The following BSPRY variants were observed in gnomAD, a reference collection of about 807,000 sequenced individuals.
The protein encoded by BSPRY is B box and SPRY domain-containing protein.
BSPRY carries 33 observed loss-of-function variants against 38.0 expected under a neutral mutation model. The observed-to-expected ratio is 0.87, with a 90% confidence interval of 0.66 to 1.16. The LOEUF (loss-of-function observed/expected upper bound fraction) is 1.16, where lower values mean the gene tolerates loss of function less well. BSPRY is among the 50% of genes most tolerant of loss of function. The probability of loss-of-function intolerance (pLI) is 0.00; values close to 1 mark genes in which losing one functional copy is unlikely to be tolerated. For synonymous variants in BSPRY, 224 were observed against 228.5 expected, an observed-to-expected ratio of 0.98 and a Z score of 0.18; for missense variants, 523 against 533.2, an observed-to-expected ratio of 0.98 and a Z score of 0.19.
chr9:113,356,446 A>G (rs375122697), intron 2 of BSPRY, among the ~76,000 whole-genome samples: 1 of 152,070 alleles, frequency 6.6e-6, no homozygotes, highest in Admixed American at 6.5e-5. Flanking sequence ...CGGAGGTTGC[A>G]GTGAGCTGAG....
At chr9:113,365,574 C>T (rs1048122871) in intron 4 of BSPRY, among the ~76,000 whole-genome samples, 2 of 152,092 alleles carry the variant, frequency 1.3e-5, no homozygotes, top group African/African-American at 4.8e-5. Context: ...TTTTCCTGCC[C>T]CTGAATCAGC....
At position 113,369,864 on chromosome 9, in the gene BSPRY, G is replaced by C. The variant is rs1834314162; in HGVS notation, c.931G>C (p.Gly311Arg). The C allele has an allele frequency of 1.9e-6, 3 of 1,614,264 alleles. No individual in the cohort carries two copies. Among genetic ancestry groups the C allele is most frequent in the African/African-American group, 1.3e-5 (1 of 75,080 alleles). The part of the protein sequence containing the change: ...GVASGHLPRK[G>R]SGSDCRLGHN... The stretch of plus-strand genomic sequence containing the variant: ...GGCTTCAGGCCACCTGCCCCGCAAG[G>C]GTTCTGGCAGTGACTGCCGTCTGGG... Residue 311 changes from glycine to arginine, a missense_variant, in exon 6 of 6, where the codon GGT becomes CGT. Coordinates refer to ENST00000374183, the MANE Select transcript of BSPRY (RefSeq NM_017688.3).
At chr9:113,366,099 C>G (rs1834246811) in intron 4 of BSPRY, among the ~76,000 whole-genome samples, 1 of 152,118 alleles carries the variant, frequency 6.6e-6, no homozygotes, top group Admixed American at 6.5e-5. Context: ...GCCACCATGC[C>G]CAGCCTGTAT....
Position 113,369,836 on chromosome 9 carries a change from C to T in BSPRY, c.903C>T (p.Gly301=), listed in dbSNP as rs559226374. 50 of 1,614,058 alleles carry T rather than the reference C, an allele frequency of 3.1e-5. No homozygotes were observed. Among genetic ancestry groups the T allele is most frequent in the Admixed American group, 2.5e-4 (15 of 60,012 alleles). ...AGAACAGTTGTGCCTATAAGGTGGG[C>T]GTGGCTTCAGGCCACCTGCCCCGCA... ...NVQNSCAYKV[G]VASGHLPRKG... The change falls in exon 6 of 6, where the codon GGC becomes GGT. Residue 301 remains glycine, a synonymous_variant. Transcript: ENST00000374183.
At chr9:113,365,327 C>T (rs1834230125) in intron 4 of BSPRY, among the ~76,000 whole-genome samples, 2 of 152,100 alleles carry the variant, frequency 1.3e-5, no homozygotes, top group Non-Finnish European at 2.9e-5. Flanking sequence ...CTTTTATTTG[C>T]TTGTTTGTTC....
rs1347934691 is a variant in BSPRY, at chr9:113,371,054, A to ATTTCTCT, written c.*913_*914insTTCTCTT. On this transcript the variant is annotated 3_prime_UTR_variant, in exon 6 of 6. Coordinates refer to ENST00000374183, the MANE Select transcript of BSPRY (RefSeq NM_017688.3). ...GAGCTCCAGCCTGTGCCCACTGATA[A>ATTTCTCT]TAGCAGGGACGGCCTTTTCTCTTAG... The ATTTCTCT allele has an allele frequency of 5.4e-5, 8 of 147,400 alleles. No individual in the cohort carries two copies. Among genetic ancestry groups the ATTTCTCT allele is most frequent in the Non-Finnish European group, 1.2e-4 (8 of 65,138 alleles). The allele number at this position is 147,400 out of a possible 1,614,324, so 9.1% of individuals were successfully genotyped here. A position where few individuals can be genotyped will look rare whatever the true frequency, so the allele number is the denominator to read the frequency against.
Position 113,365,713 on chromosome 9 carries a change from A to G in BSPRY, c.558-2546A>G, listed in dbSNP as rs942487180. On this transcript the variant is annotated intron_variant, in intron 4 of 5. Transcript: ENST00000374183. ...GCTCACTCAGCATATAGCAGATGGA[A>G]CTAGGAAGGGAGAAAGAGAAAGAGA... Among the ~76,000 whole-genome samples, 6 of 147,078 alleles carry G rather than the reference A, an allele frequency of 4.1e-5. No individual in the cohort carries two copies. The Admixed American group carries it at 4.1e-4, about 10-fold the overall frequency.
intron 2 of BSPRY, among the ~76,000 whole-genome samples, chr9:113,354,965 C>T (rs1485195840): frequency 1.3e-5 from 2 of 152,168 alleles, no homozygotes; most frequent in Non-Finnish European, 2.9e-5. Flanking sequence ...AAGCAATTCT[C>T]CTGCCTCAGC....
At position 113,369,689 on chromosome 9, in the gene BSPRY, G is replaced by C. The variant is rs370425380; in HGVS notation, c.756G>C (p.Leu252=). 9 of 1,614,224 alleles carry C rather than the reference G, an allele frequency of 5.6e-6. No homozygotes were observed. Among genetic ancestry groups the C allele is most frequent in the Non-Finnish European group, 6.8e-6 (8 of 1,180,040 alleles). Residue 252 remains leucine (L), a synonymous_variant, in exon 6 of 6, where the codon CTG becomes CTC. Coordinates refer to ENST00000374183, the MANE Select transcript of BSPRY (RefSeq NM_017688.3). ...AATTGTCAGATGATCGAAAGACCCT[G>C]ACCTTCAGCACCAAGAAGTCAAAGG... ...FLQLSDDRKT[L]TFSTKKSKAC...
Position 113,354,329 on chromosome 9 carries a change from A to T in BSPRY, c.291A>T (p.Gln97His). 6.2e-7 allele frequency: 1 copy of T among 1,613,820 alleles called. No homozygotes were observed. Among genetic ancestry groups the T allele is most frequent in the African/African-American group, 1.3e-5 (1 of 75,028 alleles). ...YVADVLPGKNQRAVSMASAAR... is the reference protein window; with the variant it reads ...YVADVLPGKNHRAVSMASAAR... Reference sequence around the variant, plus strand: ...CGGACGTCCTGCCGGGGAAGAATCAAAGAGCAGTGGTAATTCCTCTTCTTT... The same window carrying T: ...CGGACGTCCTGCCGGGGAAGAATCATAGAGCAGTGGTAATTCCTCTTCTTT... The change falls in exon 2 of 6, where the codon CAA (glutamine) becomes CAT (histidine). Residue 97 changes from glutamine (Q) to histidine (H), a missense_variant. Gln to His is a conservative substitution (Grantham distance 24). Coordinates refer to ENST00000374183, the MANE Select transcript of BSPRY (RefSeq NM_017688.3).
At chr9:113,369,588 C>T (rs757456603) in intron 5 of BSPRY, 28 bp from the exon 6 acceptor site, 42 of 1,578,010 alleles carry the variant, frequency 2.7e-5, no homozygotes, top group Admixed American at 1.1e-4. Context: ...GGTGGGCCCT[C>T]GGCAACTCTG....
At chr9:113,369,113 A>G (rs193263798) in intron 5 of BSPRY, among the ~76,000 whole-genome samples, 11 of 151,950 alleles carry the variant, frequency 7.2e-5, no homozygotes, top group Non-Finnish European at 1.5e-4. Flanking sequence ...CAGTTTAGAT[A>G]TTTGCTAGAA....
At chr9:113,352,480 G>GACACACACACACACACACAC (rs139828518) in intron 1 of BSPRY, among the ~76,000 whole-genome samples, 5,507 of 149,812 alleles carry the variant, frequency 0.037, 128 homozygotes, top group Non-Finnish European at 0.059. Flanking sequence ...TGGGGAGTGA[G>GACACACACACACACACACAC]ACACACACAC....
At chr9:113,357,055 T>C (rs1834072112) in intron 2 of BSPRY, among the ~76,000 whole-genome samples, 2 of 152,194 alleles carry the variant, frequency 1.3e-5, no homozygotes, top group South Asian at 2.1e-4. Flanking sequence ...ACTAAGTGAA[T>C]GAGTGTAGAC....
At chr9:113,356,402 G>A (rs1834059444) in intron 2 of BSPRY, among the ~76,000 whole-genome samples, 1 of 152,144 alleles carries the variant, frequency 6.6e-6, no homozygotes, top group Non-Finnish European at 1.5e-5. Context: ...CTACTTGGGA[G>A]GCTGAGGCAG....
intron 1 of BSPRY, among the ~76,000 whole-genome samples, chr9:113,352,142 C>T (rs1833982881): frequency 6.6e-6 from 1 of 152,152 alleles, no homozygotes; most frequent in Admixed American, 6.6e-5. Flanking sequence ...CCCCTGAGCT[C>T]ATGGATGATG....
intron 4 of BSPRY, among the ~76,000 whole-genome samples, chr9:113,363,577 T>C (rs1834190240): frequency 6.6e-6 from 1 of 152,022 alleles, no homozygotes; most frequent in African/African-American, 2.4e-5. Flanking sequence ...GGCGGTTTTT[T>C]GGTTGTTGTC....
chr9:113,367,761 C>T (rs1834274462), intron 4 of BSPRY, among the ~76,000 whole-genome samples: 1 of 152,094 alleles, frequency 6.6e-6, no homozygotes, highest in African/African-American at 2.4e-5. Flanking sequence ...AAAATTAAGG[C>T]TTCTGGGGGG....
chr9:113,367,859 C>T (rs1335734222), intron 4 of BSPRY, among the ~76,000 whole-genome samples: 4 of 148,688 alleles, frequency 2.7e-5, no homozygotes, highest in Non-Finnish European at 5.9e-5. Flanking sequence ...GAGACAGGGT[C>T]TCACTCTGTC....
Sources: gnomAD v4.1 joint callset for allele counts (sites outside exome capture counted in the v4.1 genomes callset) on GRCh38, gnomAD v4.1.1 for gene constraint, MANE v1.5 for transcripts, NCBI Gene and HGNC (gene_info 2026-07-23, HGNC 2026-07-21) for gene names.